The following LINGO2 variants were observed in gnomAD, a reference collection of about 807,000 sequenced individuals.
The protein encoded by LINGO2 is leucine-rich repeat and immunoglobulin-like domain-containing nogo receptor-interacting protein 2.
In LINGO2, 14 loss-of-function variants were observed where a neutral mutation model predicts 30.6. The ratio of observed to expected loss-of-function variants is 0.46; its 90% confidence interval spans 0.30 to 0.72. The LOEUF (loss-of-function observed/expected upper bound fraction) is 0.72, where lower values mean the gene tolerates loss of function less well. Among genes scored for constraint, LINGO2 ranks in the 30% least tolerant of loss-of-function variants. The pLI, the probability that LINGO2 is intolerant of heterozygous loss-of-function variation, is 0.07. For missense variants in LINGO2, 729 were observed against 751.7 expected (o/e 0.97, Z 0.35); for synonymous variants, 317 against 288.5 (o/e 1.10, Z -1.00).
At chr9:29,166,072 TATAAC>T in the LINGO2 span, among the ~76,000 whole-genome samples, 3 of 152,146 alleles carry the variant, frequency 2.0e-5, no homozygotes, top group African/African-American at 7.2e-5. Flanking sequence ...TCATTGCTCT[TATAAC>T]ATTCAAATAG....
chr9:28,288,836 T>C (rs1471033533), intron 4 of LINGO2, among the ~76,000 whole-genome samples: 1 of 152,202 alleles, frequency 6.6e-6, no homozygotes, highest in East Asian at 1.9e-4. Flanking sequence ...GCAAGGGATG[T>C]ATTGCATACA....
intron 4 of LINGO2, among the ~76,000 whole-genome samples, chr9:28,128,647 C>G (rs535740748): frequency 6.6e-6 from 1 of 152,222 alleles, no homozygotes; most frequent in East Asian, 1.9e-4. Context: ...CAAGGCTGAC[C>G]ACTGGTCTTT....
At chr9:28,621,679 A>G (rs1438296374) in intron 1 of LINGO2, among the ~76,000 whole-genome samples, 1 of 152,028 alleles carries the variant, frequency 6.6e-6, no homozygotes, top group Non-Finnish European at 1.5e-5. Context: ...TGCACATATT[A>G]ATAAAGGCAT....
At chr9:27,997,562 A>G (rs1821732049) in intron 5 of LINGO2, among the ~76,000 whole-genome samples, 1 of 152,156 alleles carries the variant, frequency 6.6e-6, no homozygotes, top group Non-Finnish European at 1.5e-5. Flanking sequence ...TTATGCTCAG[A>G]CTGTAATTCT....
chr9:28,281,982 C>A (rs1440712544), intron 4 of LINGO2, among the ~76,000 whole-genome samples: 1 of 152,056 alleles, frequency 6.6e-6, no homozygotes, highest in East Asian at 1.9e-4. Flanking sequence ...CTTTATAACA[C>A]AAACATTGGG....
At chr9:29,174,533 T>G in the LINGO2 span, among the ~76,000 whole-genome samples, 2 of 152,108 alleles carry the variant, frequency 1.3e-5, no homozygotes, top group African/African-American at 2.4e-5. Flanking sequence ...AAATTTCAAT[T>G]GAAGACTTTC....
At chr9:28,362,168 C>T (rs1444940573) in intron 3 of LINGO2, among the ~76,000 whole-genome samples, 1 of 152,094 alleles carries the variant, frequency 6.6e-6, no homozygotes, top group Non-Finnish European at 1.5e-5. Context: ...CAATATAAGC[C>T]AAACTAGGTT....
At chr9:27,949,799 G>T in exon 6 of LINGO2, 1 of 1,614,130 alleles carries the variant, frequency 6.2e-7, no homozygotes, top group Non-Finnish European at 8.5e-7. Context: ...CAGAGAACAT[G>T]CCTGCTTCAA....
the LINGO2 span, among the ~76,000 whole-genome samples, chr9:29,098,739 C>G: frequency 1.3e-5 from 2 of 151,966 alleles, no homozygotes; most frequent in African/African-American, 2.4e-5. Context: ...AAATAAGAAG[C>G]CTTTGATACT....
intron 4 of LINGO2, among the ~76,000 whole-genome samples, chr9:28,154,320 T>A (rs567805183): frequency 2.2e-4 from 33 of 152,338 alleles, no homozygotes; most frequent in African/African-American, 7.9e-4. Context: ...GACGTTTTCC[T>A]ACTCAAAATA....
At chr9:28,473,071 G>A (rs931499671) in intron 2 of LINGO2, among the ~76,000 whole-genome samples, 5 of 152,064 alleles carry the variant, frequency 3.3e-5, no homozygotes, top group East Asian at 1.9e-4. Context: ...TACTGACAAC[G>A]AGTTTTGCTT....
At chr9:28,989,104 T>C in the LINGO2 span, among the ~76,000 whole-genome samples, 2 of 152,192 alleles carry the variant, frequency 1.3e-5, no homozygotes, top group Non-Finnish European at 2.9e-5. Flanking sequence ...GGATATGCTA[T>C]ATTATATCAA....
intron 1 of LINGO2, among the ~76,000 whole-genome samples, chr9:28,535,244 G>A (rs763881895): frequency 1.3e-5 from 2 of 152,034 alleles, no homozygotes; most frequent in East Asian, 3.9e-4. Context: ...TGTGCCTTAC[G>A]AGAATGCTAA....
At chr9:28,980,499 A>T in the LINGO2 span, among the ~76,000 whole-genome samples, 1 of 152,028 alleles carries the variant, frequency 6.6e-6, no homozygotes, top group Non-Finnish European at 1.5e-5. Context: ...GTCTCTGGAG[A>T]AGAGTTTGTT....
intron 5 of LINGO2, among the ~76,000 whole-genome samples, chr9:28,005,568 G>T (rs1822223949): frequency 6.6e-6 from 1 of 151,994 alleles, no homozygotes; most frequent in Admixed American, 6.6e-5. Context: ...TTTTAAGTGA[G>T]AAGTTCAATC....
intron 4 of LINGO2, among the ~76,000 whole-genome samples, chr9:28,098,384 G>A (rs1826311352): frequency 1.3e-5 from 2 of 152,110 alleles, no homozygotes. Context: ...TGGGTGAATT[G>A]TATAATATGT....
chr9:28,347,586 G>A (rs1381016092), intron 3 of LINGO2, among the ~76,000 whole-genome samples: 1 of 152,094 alleles, frequency 6.6e-6, no homozygotes, highest in Non-Finnish European at 1.5e-5. Flanking sequence ...TGAAGATAAG[G>A]TCCCTTCTGT....
chr9:28,898,247 T>C, the LINGO2 span, among the ~76,000 whole-genome samples: 2 of 152,212 alleles, frequency 1.3e-5, no homozygotes, highest in Admixed American at 6.5e-5. Flanking sequence ...CAAATCACTA[T>C]GTATTAAACA....
At chr9:28,310,299 A>G (rs1408195747) in intron 3 of LINGO2, among the ~76,000 whole-genome samples, 1 of 152,140 alleles carries the variant, frequency 6.6e-6, no homozygotes, top group Non-Finnish European at 1.5e-5. Context: ...ACATCCACCA[A>G]CATGTGAGTG....
Sources: gnomAD v4.1 joint callset for allele counts (sites outside exome capture counted in the v4.1 genomes callset) on GRCh38, gnomAD v4.1.1 for gene constraint, MANE v1.5 for transcripts, NCBI Gene and HGNC (gene_info 2026-07-23, HGNC 2026-07-21) for gene names.